The following ADAMTS17 variants were observed in gnomAD, a reference collection of about 807,000 sequenced individuals.
ADAMTS17 encodes the protein ADAM metallopeptidase with thrombospondin type 1 motif 17, also known as A disintegrin and metalloproteinase with thrombospondin motifs 17.
In ADAMTS17, 113 loss-of-function variants were observed where a neutral mutation model predicts 141.5. The observed-to-expected ratio is 0.80, with a 90% CI of 0.69 to 0.93. ADAMTS17 has a LOEUF of 0.93. Ranked by LOEUF, ADAMTS17 falls within the 40% of genes least tolerant of loss-of-function variation. ADAMTS17 has a pLI of 0.00. For synonymous variants in ADAMTS17, 768 were observed against 630.6 expected, an observed-to-expected ratio of 1.22 and a Z score of -3.27; for missense variants, 1,659 against 1,517.9, an observed-to-expected ratio of 1.09 and a Z score of -1.54.
chr15:100,213,576 C>T (rs777021367), intron 7 of ADAMTS17, among the ~76,000 whole-genome samples: 8 of 152,346 alleles, frequency 5.3e-5, no homozygotes, highest in South Asian at 2.1e-4. Context: ...CACTCTCTCT[C>T]GGTCTAACAT....
At chr15:100,147,486 AC>A (rs1402877647) in intron 10 of ADAMTS17, among the ~76,000 whole-genome samples, 2 of 152,202 alleles carry the variant, frequency 1.3e-5, no homozygotes, top group Non-Finnish European at 1.5e-5. Context: ...GTACTGTACT[AC>A]TACTACTACA....
intron 4 of ADAMTS17, among the ~76,000 whole-genome samples, chr15:100,279,535 C>G (rs1203471494): frequency 6.6e-6 from 1 of 152,246 alleles, no homozygotes; most frequent in African/African-American, 2.4e-5. Context: ...TTGCCCTGTC[C>G]TCTCGCGTCA....
chr15:100,136,208 T>C (rs2038324271), intron 10 of ADAMTS17, among the ~76,000 whole-genome samples: 1 of 152,204 alleles, frequency 6.6e-6, no homozygotes, highest in African/African-American at 2.4e-5. Flanking sequence ...TGAATGCTGG[T>C]ATATTAGAAC....
chr15:100,156,245 T>C (rs2039430355), intron 8 of ADAMTS17, among the ~76,000 whole-genome samples: 1 of 152,236 alleles, frequency 6.6e-6, no homozygotes, highest in South Asian at 2.1e-4. Context: ...CATGTTTTCC[T>C]AGTTTGCTCA....
Position 99,993,241 on chromosome 15 carries a change from G to A in ADAMTS17, c.2797-41C>T, listed in dbSNP as rs747809497. On this transcript the variant is annotated intron_variant, in intron 19 of 21. Transcript: ENST00000268070. The surrounding 1 kb of genome is among the most constrained non-coding windows in gnomAD (Gnocchi z 4.3). ...CAAATATTTAACCGAGTTCCAATTC[G>A]ATTCAAGTCCATCAACAGCTATTAA... The A allele has an allele frequency of 3.0e-5, 48 of 1,613,182 alleles. No individual in the cohort carries two copies. Among genetic ancestry groups the A allele is most frequent in the Non-Finnish European group, 3.6e-5 (42 of 1,179,858 alleles).
intron 15 of ADAMTS17, among the ~76,000 whole-genome samples, chr15:100,087,353 A>T (rs1156673505): frequency 2.6e-5 from 4 of 152,252 alleles, no homozygotes; most frequent in Non-Finnish European, 5.9e-5. Context: ...TTAATAGCTT[A>T]CCAACCAAAA....
chr15:100,070,373 A>T (rs1444467545), intron 15 of ADAMTS17, among the ~76,000 whole-genome samples: 1 of 150,248 alleles, frequency 6.7e-6, no homozygotes, highest in Non-Finnish European at 1.5e-5. Context: ...AATTGAACTC[A>T]GCTCTGCACC....
At chr15:100,296,578 GGGGT>G (rs1442144153) in intron 3 of ADAMTS17, among the ~76,000 whole-genome samples, 5,370 of 127,432 alleles carry the variant, frequency 0.042, 273 homozygotes, top group African/African-American at 0.14. Flanking sequence ...GGGGTGAGGG[GGGGT>G]GTGTGTGTGT....
rs2060821122 is a variant in ADAMTS17 at position 99,997,306 on chromosome 15, G to A, written c.2796+79C>T. On this transcript the variant is annotated intron_variant, in intron 19 of 21. Transcript: ENST00000268070. The surrounding 1 kb of genome is among the most constrained non-coding windows in gnomAD (Gnocchi z 4.7). ...CCTGGGGGCGAGCGAGGGCTGGGAG[G>A]CACCAGAATGTCACCAATACCATGG... is the stretch of plus-strand genomic sequence containing the variant. 2.6e-6 allele frequency: 4 copies of A among 1,524,720 alleles called. No individual in the cohort carries two copies. The highest frequency in any genetic ancestry group is 4.5e-5 in the East Asian group (2 of 44,434). 94.4% of individuals were successfully genotyped at this position (1,524,720 alleles called of 1,614,324 possible).
intron 15 of ADAMTS17, among the ~76,000 whole-genome samples, chr15:100,061,198 T>C (rs2033092721): frequency 6.6e-6 from 1 of 152,168 alleles, no homozygotes; most frequent in Non-Finnish European, 1.5e-5. Flanking sequence ...AAAGTCTCCA[T>C]CCGGCAGTCT....
chr15:100,258,322 A>G lies in ADAMTS17; in HGVS notation c.1031+3157T>C, dbSNP rs146887416. 5.9e-5 allele frequency among the ~76,000 whole-genome samples: 9 copies of G among 152,336 alleles called. No homozygotes were observed. In the East Asian group the frequency reaches 1.7e-3, roughly 29 times the overall value. On this transcript the variant is annotated intron_variant, in intron 6 of 21. Coordinates refer to ENST00000268070, the MANE Select transcript of ADAMTS17 (RefSeq NM_139057.4). ...TTTTCTATTGTGGCTGTACCATTTT[A>G]CATTCCCATCGATGGTGCACAGAAG...
chr15:100,051,503 C>G (rs569814540), intron 17 of ADAMTS17, 69 bp downstream of exon 17: 2 of 1,606,530 alleles, frequency 1.2e-6, no homozygotes, highest in African/African-American at 1.3e-5. Context: ...TGCGTGCTGG[C>G]CACAGATGCC....
At chr15:100,188,150 C>A (rs1373475099) in intron 8 of ADAMTS17, among the ~76,000 whole-genome samples, 1 of 151,986 alleles carries the variant, frequency 6.6e-6, no homozygotes, top group Non-Finnish European at 1.5e-5. Flanking sequence ...GATTTCGGCT[C>A]ACTGTAACCT....
chr15:100,251,215 T>C (rs1222686494), intron 7 of ADAMTS17, among the ~76,000 whole-genome samples: 1 of 152,184 alleles, frequency 6.6e-6, no homozygotes, highest in African/African-American at 2.4e-5. Context: ...TGAAGAACAG[T>C]GACTCCACCC....
chr15:100,230,206 G>A (rs558019566), intron 7 of ADAMTS17, among the ~76,000 whole-genome samples: 6 of 152,352 alleles, frequency 3.9e-5, no homozygotes, highest in Admixed American at 1.3e-4. Flanking sequence ...GCACAAACAC[G>A]TCACGAATGA....
chr15:100,173,290 C>T (rs2040224916), intron 8 of ADAMTS17, among the ~76,000 whole-genome samples: 1 of 152,136 alleles, frequency 6.6e-6, no homozygotes, highest in Non-Finnish European at 1.5e-5. Flanking sequence ...ACACTCCCTA[C>T]AGGGCAAGTT....
intron 10 of ADAMTS17, among the ~76,000 whole-genome samples, chr15:100,144,139 G>A (rs544166824): frequency 3.9e-5 from 6 of 152,298 alleles, no homozygotes; most frequent in South Asian, 2.1e-4. Context: ...TAATATATGC[G>A]TTTGTCAACA....
intron 7 of ADAMTS17, among the ~76,000 whole-genome samples, chr15:100,231,849 C>T (rs1386318155): frequency 1.3e-5 from 2 of 152,200 alleles, no homozygotes; most frequent in African/African-American, 4.8e-5. Flanking sequence ...CCGTCATCCT[C>T]AGGAGAAGCG....
At chr15:100,195,346 C>T (rs559586718) in intron 8 of ADAMTS17, among the ~76,000 whole-genome samples, 10 of 152,266 alleles carry the variant, frequency 6.6e-5, no homozygotes, top group African/African-American at 9.6e-5. Flanking sequence ...AGCTGTTAAT[C>T]GAATGAATCC....
Sources: allele counts gnomAD v4.1 joint callset (sites outside exome capture counted in the v4.1 genomes callset), GRCh38; gene constraint gnomAD v4.1.1; non-coding constraint Gnocchi (gnomAD v3.1); transcripts MANE v1.5; gene names NCBI Gene and HGNC (gene_info 2026-07-23, HGNC 2026-07-21).